Variants in PLEKHA1 observed in about 807,000 individuals in gnomAD.
PLEKHA1 encodes the protein pleckstrin homology domain containing A1, also known as pleckstrin homology domain-containing family A member 1.
In PLEKHA1, 34 loss-of-function variants were observed where a neutral mutation model predicts 52.0. The observed-to-expected ratio is 0.65, with a 90% confidence interval of 0.50 to 0.87. The LOEUF is 0.87. Among genes scored for constraint, PLEKHA1 ranks in the 40% least tolerant of loss-of-function variants. PLEKHA1 has a pLI of 0.00. For synonymous variants in PLEKHA1, 163 were observed against 170.7 expected (o/e 0.95, Z 0.35); for missense variants, 497 against 504.2 (o/e 0.99, Z 0.14).
intron 1 of PLEKHA1, among the ~76,000 whole-genome samples, chr10:122,384,300 A>G (rs1046152869): frequency 3.0e-4 from 46 of 152,294 alleles, no homozygotes; most frequent in African/African-American, 1.1e-3. Flanking sequence ...GGTTTTTGCC[A>G]TGGAAAGCTT....
intron 1 of PLEKHA1, chr10:122,387,372 T>C (rs1320630093): frequency 6.6e-6 from 1 of 152,200 alleles, no homozygotes; most frequent in Non-Finnish European, 1.5e-5. Flanking sequence ...TGTTTTCTGA[T>C]TTCCCTTTTG....
intron 9 of PLEKHA1, 28 bp from the exon 10 acceptor site, chr10:122,424,864 TTTAA>T: frequency 6.4e-7 from 1 of 1,574,256 alleles, no homozygotes; most frequent in Non-Finnish European, 8.7e-7. Flanking sequence ...ACAACTGCTA[TTTAA>T]GTATAATTGG....
At chr10:122,388,514 C>T (rs979661930) in intron 1 of PLEKHA1, among the ~76,000 whole-genome samples, 4 of 152,168 alleles carry the variant, frequency 2.6e-5, no homozygotes, top group East Asian at 1.9e-4. Flanking sequence ...CTCAGAGATA[C>T]GTGGGTTCAG....
At position 122,429,888 on chromosome 10, in the gene PLEKHA1, T is replaced by C. The variant is rs199651592; in HGVS notation, c.1165T>C (p.Cys389Arg). Residue 389 changes from cysteine (C) to arginine (R), a missense_variant, in exon 12 of 12, where the codon TGT becomes CGT. By Grantham distance (180) the Cys-to-Arg change is radical. Transcript: ENST00000368990. ...TAAAAATGGCCCTCAGGAAAAAGAT[T>C]GTGACCTAGTAGACTTGGACGATGC... Reference protein sequence around the residue: ...QSKNGPQEKDCDLVDLDDASL... With the variant: ...QSKNGPQEKDRDLVDLDDASL... The C allele has an allele frequency of 6.2e-7, 1 of 1,614,136 alleles. No individual in the cohort carries two copies. The highest frequency in any genetic ancestry group is 1.7e-5 in the Admixed American group (1 of 60,018).
intron 5 of PLEKHA1, among the ~76,000 whole-genome samples, chr10:122,409,826 G>A (rs1483316555): frequency 2.6e-5 from 4 of 151,374 alleles, no homozygotes; most frequent in African/African-American, 9.7e-5. Context: ...TGTTGCCCAG[G>A]CTGGAGTACA....
Position 122,413,019 on chromosome 10 carries a change from G to T in PLEKHA1, c.442G>T (p.Gly148Cys), listed in dbSNP as rs1054811812. The T allele has an allele frequency of 6.2e-6, 10 of 1,612,750 alleles. No homozygotes were observed. The Admixed American group carries it at 1.0e-4, about 16-fold the overall frequency. ...QVSYRTDIVG[G>C]VPIITPTQKE... ...GTCTTACAGAACTGATATTGTTGGTGGCGTACCCATCATTACTCCCACTCA... is the reference window on the plus strand; with the variant it reads ...GTCTTACAGAACTGATATTGTTGGTTGCGTACCCATCATTACTCCCACTCA... Residue 148 changes from glycine (G) to cysteine (C), a missense_variant, in exon 6 of 12, where the codon GGC (glycine) becomes TGC (cysteine). Coordinates refer to ENST00000368990, the MANE Select transcript of PLEKHA1 (RefSeq NM_001001974.4).
chr10:122,436,487 T>G (rs1245398327), downstream of PLEKHA1: 1 of 152,226 alleles, frequency 6.6e-6, no homozygotes, highest in Non-Finnish European at 1.5e-5. Context: ...GGCCTGGTTA[T>G]AAAGATAATC....
chr10:122,406,514 G>A, intron 4 of PLEKHA1, 62 bp from the exon 5 acceptor site: 1 of 1,378,850 alleles, frequency 7.3e-7, no homozygotes, highest in Non-Finnish European at 1.0e-6. Flanking sequence ...TTCAGCTACT[G>A]CAAACATAAA....
At chr10:122,428,302 C>A in intron 11 of PLEKHA1, 1 of 1,544,472 alleles carries the variant, frequency 6.5e-7, no homozygotes, top group Non-Finnish European at 8.7e-7. Context: ...GGCTGTCGAA[C>A]CCTTGTATAC....
chr10:122,397,137 A>G (rs1050458191), intron 2 of PLEKHA1, among the ~76,000 whole-genome samples: 3 of 152,086 alleles, frequency 2.0e-5, no homozygotes, highest in South Asian at 2.1e-4. Flanking sequence ...AGAGCTGTGC[A>G]TCTTCCATTG....
intron 4 of PLEKHA1, 53 bp from the exon 5 acceptor site, chr10:122,406,523 A>C (rs560832598): frequency 2.7e-4 from 390 of 1,433,168 alleles, no homozygotes; most frequent in Non-Finnish European, 3.3e-4. Context: ...TGCAAACATA[A>C]ATTTAGAGGT....
chr10:122,406,754 C>A, intron 5 of PLEKHA1, 81 bp downstream of exon 5: 2 of 1,028,214 alleles, frequency 1.9e-6, no homozygotes, highest in South Asian at 2.8e-5. Flanking sequence ...ACCAAATGTT[C>A]CCAGCTTACC....
At chr10:122,429,347 A>AT (rs1421128602) in intron 11 of PLEKHA1, among the ~76,000 whole-genome samples, 2 of 152,218 alleles carry the variant, frequency 1.3e-5, no homozygotes, top group East Asian at 3.9e-4. Context: ...TCAAAGTGTC[A>AT]TAGGCTGCCA....
intron 11 of PLEKHA1, chr10:122,428,167 G>A: frequency 9.6e-7 from 1 of 1,041,222 alleles, no homozygotes; most frequent in Non-Finnish European, 1.2e-6. Flanking sequence ...TGTGCTTTGT[G>A]GTGGGGGCAG....
At chr10:122,429,563 A>G in intron 11 of PLEKHA1, 61 bp from the exon 12 acceptor site, 2 of 1,478,438 alleles carry the variant, frequency 1.4e-6, no homozygotes, top group South Asian at 2.5e-5. Context: ...CAAGTCTCAC[A>G]CTGAGTTACT....
chr10:122,388,280 C>CT (rs1214808407), intron 1 of PLEKHA1, among the ~76,000 whole-genome samples: 2 of 152,090 alleles, frequency 1.3e-5, no homozygotes, highest in African/African-American at 4.8e-5. Context: ...TTGTTGGTGG[C>CT]TTTTTTCATT....
intron 1 of PLEKHA1, among the ~76,000 whole-genome samples, chr10:122,378,376 C>A (rs1435484216): frequency 6.9e-6 from 1 of 145,436 alleles, no homozygotes; most frequent in Non-Finnish European, 1.5e-5. Context: ...CTCTTTCCCA[C>A]CCCCCTGTCC....
intron 1 of PLEKHA1, chr10:122,387,357 A>G (rs2096714423): frequency 6.6e-6 from 1 of 152,144 alleles, no homozygotes; most frequent in Non-Finnish European, 1.5e-5. Context: ...TCATTTAGTT[A>G]AGAATGTTTT....
At chr10:122,439,011 G>A in the PLEKHA1 span, 1 of 152,250 alleles carries the variant, frequency 6.6e-6, no homozygotes, top group Non-Finnish European at 1.5e-5. Context: ...GGTTCCCCAT[G>A]CTGCTGGCTT....
Sources: allele counts gnomAD v4.1 joint callset (sites outside exome capture counted in the v4.1 genomes callset), GRCh38; gene constraint gnomAD v4.1.1; transcripts MANE v1.5; gene names NCBI Gene and HGNC (gene_info 2026-07-23, HGNC 2026-07-21).